Variants in ERCC8 observed in about 807,000 individuals in gnomAD.
ERCC8 encodes ERCC excision repair 8, CSA ubiquitin ligase complex subunit, also known as DNA excision repair protein ERCC-8.
Under a neutral mutation model 54.9 loss-of-function variants are expected in ERCC8, and 52 were observed. The observed-to-expected ratio is 0.95, with a 90% CI of 0.76 to 1.19. The LOEUF is 1.19. ERCC8 is among the 50% of genes most tolerant of loss of function. The pLI, the probability that ERCC8 is intolerant of heterozygous loss-of-function variation, is 0.00. For missense variants in ERCC8, 514 were observed against 466.1 expected, an observed-to-expected ratio of 1.10 and a Z score of -0.95; for synonymous variants, 146 against 157.2, an observed-to-expected ratio of 0.93 and a Z score of 0.53.
intron 4 of ERCC8, among the ~76,000 whole-genome samples, chr5:60,906,358 G>C (rs1031048050): frequency 4.6e-5 from 7 of 151,840 alleles, no homozygotes; most frequent in Admixed American, 1.3e-4. Flanking sequence ...ATTCAGGCTT[G>C]TCTCCTCCTC....
rs1233886865 is a variant in ERCC8, at chr5:60,871,090, C to CAGCTAAACT, written c.*3516_*3524dup. On this transcript the variant is annotated 3_prime_UTR_variant, in exon 12 of 12. Coordinates refer to ENST00000676185, the MANE Select transcript of ERCC8 (RefSeq NM_000082.4). Reference sequence around the variant, plus strand: ...GACTACAACCCAAAAATCGTATACCCAGCTAAACTATCATTTCAGAGGGGA... The same window carrying CAGCTAAACT: ...GACTACAACCCAAAAATCGTATACCCAGCTAAACTAGCTAAACTATCATTTCAGAGGGGA... 1.3e-5 allele frequency among the ~76,000 whole-genome samples: 2 copies of CAGCTAAACT among 152,142 alleles called. No individual in the cohort carries two copies. Among genetic ancestry groups the CAGCTAAACT allele is most frequent in the African/African-American group, 4.8e-5 (2 of 41,418 alleles).
chr5:60,891,552 C>T (rs1748556337), intron 9 of ERCC8, among the ~76,000 whole-genome samples: 1 of 151,610 alleles, frequency 6.6e-6, no homozygotes, highest in East Asian at 1.9e-4. Context: ...TTTCAAAAGA[C>T]TACCCCACCA....
At chr5:60,912,899 G>C (rs997394857) in intron 4 of ERCC8, among the ~76,000 whole-genome samples, 2 of 152,104 alleles carry the variant, frequency 1.3e-5, no homozygotes, top group African/African-American at 4.8e-5. Flanking sequence ...TACGTGTATT[G>C]ATTTGCCTAT....
At chr5:60,894,952 C>T (rs534206877) in intron 9 of ERCC8, among the ~76,000 whole-genome samples, 2 of 152,146 alleles carry the variant, frequency 1.3e-5, no homozygotes, top group Admixed American at 1.3e-4. Context: ...AGGCGGATCA[C>T]AAGATCAGGA....
rs1747834072 is a variant in ERCC8, at chr5:60,870,322, G to A, written c.*4293C>T. On this transcript the variant is annotated 3_prime_UTR_variant, in exon 12 of 12. Coordinates refer to ENST00000676185, the MANE Select transcript of ERCC8 (RefSeq NM_000082.4). ...CAAAACAAAACAAAAAGGGCAAGGA[G>A]AAACGAAAAGATAAGACAATGAAAG... 6.6e-6 allele frequency among the ~76,000 whole-genome samples: 1 copy of A among 151,566 alleles called. No individual in the cohort carries two copies.
At chr5:60,913,720 C>T (rs528691491) in intron 4 of ERCC8, among the ~76,000 whole-genome samples, 23 of 152,124 alleles carry the variant, frequency 1.5e-4, no homozygotes, top group African/African-American at 2.4e-4. Flanking sequence ...GCTTTCTCTT[C>T]TGGGCATTTA....
At position 60,913,888 on chromosome 5, in the gene ERCC8, C is replaced by T. The variant is rs376948846; in HGVS notation, c.399+4377G>A. Among the ~76,000 whole-genome samples, 362 of 152,094 alleles carry T rather than the reference C, an allele frequency of 2.4e-3. 1 individual carries two copies. The highest frequency in any genetic ancestry group is 0.017 in the Middle Eastern group (5 of 294). ...TCAGGAGCAGGTTGTTCAGTTCCCA[C>T]GCAGTTGTGTGGTTTTGAGTTAGTT... On this transcript the variant is annotated intron_variant, in intron 4 of 11. Transcript: ENST00000676185.
rs548193709 is a variant in ERCC8 at position 60,915,046 on chromosome 5, C to G, written c.399+3219G>C. The G allele has an allele frequency of 5.3e-5, 8 of 151,956 alleles. No homozygotes were observed. The South Asian group carries it at 1.7e-3, about 32-fold the overall frequency. 9.4% of individuals were successfully genotyped at this position (151,956 alleles called of 1,614,324 possible). On this transcript the variant is annotated intron_variant, in intron 4 of 11. Coordinates refer to ENST00000676185, the MANE Select transcript of ERCC8 (RefSeq NM_000082.4). ...GTAAGAGACACTGGCTTGTAATTTT[C>G]CATATAATGTCCTTGTAAATTTTGA...
chr5:60,917,128 A>G (rs1749458258), intron 4 of ERCC8, among the ~76,000 whole-genome samples: 1 of 152,044 alleles, frequency 6.6e-6, no homozygotes, highest in Admixed American at 6.6e-5. Flanking sequence ...TTATAGCTGA[A>G]GAGACCTTTG....
At chr5:60,923,019 C>T (rs138234622) in intron 2 of ERCC8, among the ~76,000 whole-genome samples, 29 of 152,042 alleles carry the variant, frequency 1.9e-4, no homozygotes, top group African/African-American at 7.0e-4. Context: ...TTCTAGGAAC[C>T]AAAAGAAGGG....
At chr5:60,939,677 G>A (rs762433995) in intron 1 of ERCC8, among the ~76,000 whole-genome samples, 1 of 152,092 alleles carries the variant, frequency 6.6e-6, no homozygotes, top group South Asian at 2.1e-4. Context: ...TGGATTTTTA[G>A]TAGAGATGGG....
intron 9 of ERCC8, chr5:60,892,558 C>G: frequency 1.5e-6 from 1 of 651,942 alleles, no homozygotes; most frequent in South Asian, 1.4e-5. Context: ...CTCTTCTTCC[C>G]CAAATGGTGG....
At chr5:60,915,901 G>C (rs1749418968) in intron 4 of ERCC8, among the ~76,000 whole-genome samples, 1 of 151,890 alleles carries the variant, frequency 6.6e-6, no homozygotes, top group Non-Finnish European at 1.5e-5. Flanking sequence ...CTGGGAGCGG[G>C]ACATGATGCT....
intron 11 of ERCC8, 112 bp from the exon 12 acceptor site, chr5:60,874,795 T>C: frequency 1.2e-6 from 1 of 842,560 alleles, no homozygotes; most frequent in Non-Finnish European, 1.9e-6. Flanking sequence ...TACATTATTT[T>C]GGAAGAAAAT....
In ERCC8 at chr5:60,918,326, C is replaced by T; in HGVS notation, c.338G>A (p.Gly113Asp). The T allele has an allele frequency of 6.3e-7, 1 of 1,587,548 alleles. No individual in the cohort carries two copies. The highest frequency in any genetic ancestry group is 1.1e-5 in the South Asian group (1 of 90,570). ...ATCAAATGAGCTTGATGTGAACATGCCAGTGTCATGAGGATACCACTGTAC... is the reference window on the plus strand; with the variant it reads ...ATCAAATGAGCTTGATGTGAACATGTCAGTGTCATGAGGATACCACTGTAC... ...ETVQWYPHDT[G>D]MFTSSSFDKT... Residue 113 changes from glycine to aspartate, a missense_variant, in exon 4 of 12, where the codon GGC becomes GAC. Gly to Asp is a moderately conservative substitution (Grantham distance 94). Transcript: ENST00000676185.
Position 60,904,662 on chromosome 5 carries a change from A to G in ERCC8, c.481+130T>C, listed in dbSNP as rs1212294704. The G allele has an allele frequency of 1.2e-3, 181 of 149,234 alleles. 3 individuals are homozygous for G. The highest frequency in any genetic ancestry group is 1.9e-3 in the Non-Finnish European group (148 of 78,070). The allele number at this position is 149,234 out of a possible 1,614,324, so 9.2% of individuals were successfully genotyped here. A position where few individuals can be genotyped will look rare whatever the true frequency, so the allele number is the denominator to read the frequency against. ...TATATATATATATATATATATATAT[A>G]TATATATATATATATATATATAAAA... On this transcript the variant is annotated intron_variant, in intron 5 of 11. Coordinates refer to ENST00000676185, the MANE Select transcript of ERCC8 (RefSeq NM_000082.4).
intron 2 of ERCC8, among the ~76,000 whole-genome samples, chr5:60,927,799 A>G (rs1372247626): frequency 1.3e-5 from 2 of 152,222 alleles, no homozygotes; most frequent in Non-Finnish European, 2.9e-5. Context: ...GTCAGGAAAA[A>G]GAAAAGAATT....
chr5:60,879,458 T>G (rs1416773106), intron 11 of ERCC8, among the ~76,000 whole-genome samples: 2 of 152,184 alleles, frequency 1.3e-5, no homozygotes, highest in African/African-American at 4.8e-5. Flanking sequence ...TGTCTAATGT[T>G]GACAGTGGGG....
At chr5:60,874,791 AT>A (rs1334733930) in intron 11 of ERCC8, 108 bp from the exon 12 acceptor site, 1 of 880,084 alleles carries the variant, frequency 1.1e-6, no homozygotes, top group East Asian at 2.7e-5. Context: ...CAATTACATT[AT>A]TTTGGAAGAA....
Sources: gnomAD v4.1 joint callset for allele counts (sites outside exome capture counted in the v4.1 genomes callset) on GRCh38, gnomAD v4.1.1 for gene constraint, MANE v1.5 for transcripts, NCBI Gene and HGNC (gene_info 2026-07-23, HGNC 2026-07-21) for gene names.